The following ADARB1 variants were observed in gnomAD, a reference collection of about 807,000 sequenced individuals.
ADARB1 encodes adenosine deaminase RNA specific B1, also known as double-stranded RNA-specific editase 1.
A neutral mutation model predicts 52.4 loss-of-function variants in ADARB1; 10 were observed. The ratio of observed to expected loss-of-function variants is 0.19; its 90% confidence interval spans 0.12 to 0.32. The LOEUF (loss-of-function observed/expected upper bound fraction) is 0.32, where lower values mean the gene tolerates loss of function less well. ADARB1 is among the 10% of genes least tolerant of loss of function. The probability of loss-of-function intolerance (pLI) is 1.00; values close to 1 mark genes in which losing one functional copy is unlikely to be tolerated. For missense variants in ADARB1, 643 were observed against 922.3 expected (o/e 0.70, Z 3.92); for synonymous variants, 349 against 371.1 (o/e 0.94, Z 0.68).
intron 2 of ADARB1, among the ~76,000 whole-genome samples, chr21:45,163,284 G>A (rs1476819166): frequency 6.6e-6 from 1 of 152,204 alleles, no homozygotes; most frequent in Non-Finnish European, 1.5e-5. Context: ...CAGCCCACAA[G>A]GTCCCAAAAG....
intron 2 of ADARB1, among the ~76,000 whole-genome samples, chr21:45,137,987 G>T (rs1399780202): frequency 1.3e-5 from 2 of 152,184 alleles, no homozygotes; most frequent in African/African-American, 4.8e-5. Context: ...TTCTATGGGA[G>T]TGATGCCCTC....
At chr21:45,150,277 C>T (rs930059383) in intron 2 of ADARB1, among the ~76,000 whole-genome samples, 5 of 151,800 alleles carry the variant, frequency 3.3e-5, no homozygotes, top group African/African-American at 1.2e-4. Context: ...CTGTCTCAGA[C>T]AAACAAACAA....
rs936227166 is a variant in ADARB1 at position 45,128,479 on chromosome 21, T to A, written c.-142T>A. The A allele has an allele frequency of 6.6e-6, 1 of 152,246 alleles. No individual in the cohort carries two copies. Among genetic ancestry groups the A allele is most frequent in the African/African-American group, 2.4e-5 (1 of 41,464 alleles). The allele number at this position is 152,246 out of a possible 1,614,324, so 9.4% of individuals were successfully genotyped here. ...ACACTGGCCAAGCGCGGAGTTCTGC[T>A]TACTTCAGTCCTGCTGAGATACTCT... On this transcript the variant is annotated 5_prime_UTR_variant, in exon 2 of 11. Coordinates refer to ENST00000348831, the MANE Select transcript of ADARB1 (RefSeq NM_001112.4). This position sits in a 1 kb window ranked among gnomAD's most constrained non-coding sequence, Gnocchi z 4.6.
chr21:45,110,066 C>G (rs900137826), intron 1 of ADARB1, among the ~76,000 whole-genome samples: 2 of 152,176 alleles, frequency 1.3e-5, no homozygotes, highest in African/African-American at 4.8e-5. Context: ...ACATTCTGCT[C>G]TATTAGCTGG....
rs372552215 is a variant in ADARB1 at position 45,205,578 on chromosome 21, A to G, written c.1747+842A>G. On this transcript the variant is annotated intron_variant, in intron 9 of 10. Transcript: ENST00000348831. ...GTGACAGGTGGAACCAGGGGTGCCA[A>G]TGGCAGGCAGAGGCTGTCTCCCTGG... 2.4e-4 allele frequency among the ~76,000 whole-genome samples: 36 copies of G among 152,276 alleles called. No homozygotes were observed. The East Asian group carries it at 5.8e-3, about 24-fold the overall frequency.
intron 1 of ADARB1, among the ~76,000 whole-genome samples, chr21:45,075,618 A>G (rs972703666): frequency 6.6e-6 from 1 of 152,192 alleles, no homozygotes; most frequent in Non-Finnish European, 1.5e-5. Context: ...ATCAGAAGGA[A>G]AATTATTGCG....
At chr21:45,184,893 T>A (rs751665917) in intron 7 of ADARB1, 30 bp from the exon 8 acceptor site, 41 of 1,581,712 alleles carry the variant, frequency 2.6e-5, no homozygotes, top group Non-Finnish European at 3.5e-5. Flanking sequence ...GTTTACTACC[T>A]GTGGGGTTTT....
intron 2 of ADARB1, among the ~76,000 whole-genome samples, chr21:45,162,372 C>G (rs2091017773): frequency 6.6e-6 from 1 of 152,158 alleles, no homozygotes; most frequent in African/African-American, 2.4e-5. Flanking sequence ...ATGGCTGGAC[C>G]CCACGCCCAC....
chr21:45,129,220 CTCTT>C (rs1254226985), intron 2 of ADARB1, among the ~76,000 whole-genome samples: 1 of 151,688 alleles, frequency 6.6e-6, no homozygotes, highest in Non-Finnish European at 1.5e-5. Context: ...CAGAGCAAGA[CTCTT>C]TCTCAAAAAA....
intron 2 of ADARB1, among the ~76,000 whole-genome samples, chr21:45,168,926 C>G (rs968284033): frequency 6.6e-6 from 1 of 152,196 alleles, no homozygotes; most frequent in Non-Finnish European, 1.5e-5. Flanking sequence ...CTAAATCTTA[C>G]TGAAGCCTTC....
In ADARB1 at chr21:45,224,444, C is replaced by T. The variant is rs2093020910; in HGVS notation, c.*2247C>T. 5.6e-6 allele frequency: 5 copies of T among 886,262 alleles called. No homozygotes were observed. Among genetic ancestry groups the T allele is most frequent in the East Asian group, 1.8e-4 (1 of 5,464 alleles). The allele number at this position is 886,262 out of a possible 1,614,324, so 54.9% of individuals were successfully genotyped here. ...AGGCACAGGGCACCCTATCCCAAGC[C>T]GTCCAGGCAGGAGGAAGGCAGCCAA... is the stretch of plus-strand genomic sequence containing the variant. On this transcript the variant is annotated 3_prime_UTR_variant, in exon 11 of 11. Coordinates refer to ENST00000348831, the MANE Select transcript of ADARB1 (RefSeq NM_001112.4).
In ADARB1 at chr21:45,171,595, C is replaced by A. The variant is rs538762316; in HGVS notation, c.-47-15C>A. Reference sequence around the variant, plus strand: ...TCATAGGCACACTAAATGCTATTTTCTTACTGTCTTTCAGACAGAAACAGT... The same window carrying A: ...TCATAGGCACACTAAATGCTATTTTATTACTGTCTTTCAGACAGAAACAGT... On this transcript the variant is annotated splice_polypyrimidine_tract_variant and intron_variant, in intron 2 of 10. Transcript: ENST00000348831. 6.5e-7 allele frequency: 1 copy of A among 1,530,082 alleles called. No homozygotes were observed. Among genetic ancestry groups the A allele is most frequent in the Admixed American group, 1.7e-5 (1 of 59,292 alleles). 94.8% of individuals were successfully genotyped at this position (1,530,082 alleles called of 1,614,324 possible).
chr21:45,154,731 A>G (rs1441375330), intron 2 of ADARB1, among the ~76,000 whole-genome samples: 1 of 152,178 alleles, frequency 6.6e-6, no homozygotes. Context: ...CATCAGGAAA[A>G]TAGGGCTAAA....
At chr21:45,166,626 C>T (rs2091264704) in intron 2 of ADARB1, among the ~76,000 whole-genome samples, 1 of 152,202 alleles carries the variant, frequency 6.6e-6, no homozygotes, top group Non-Finnish European at 1.5e-5. Context: ...GCCACCTGCT[C>T]CTTTGGTTCA....
At chr21:45,123,196 G>T (rs2088311998) in intron 1 of ADARB1, among the ~76,000 whole-genome samples, 1 of 152,158 alleles carries the variant, frequency 6.6e-6, no homozygotes, top group Non-Finnish European at 1.5e-5. Context: ...AATAGACACT[G>T]TGTACCTCAC....
At chr21:45,175,054 A>G (rs1174757420) in intron 3 of ADARB1, among the ~76,000 whole-genome samples, 5 of 152,194 alleles carry the variant, frequency 3.3e-5, no homozygotes, top group African/African-American at 7.2e-5. Flanking sequence ...AATAGATACT[A>G]GAAATAAAAC....
chr21:45,107,217 A>G (rs1275847722), intron 1 of ADARB1, among the ~76,000 whole-genome samples: 1 of 152,248 alleles, frequency 6.6e-6, no homozygotes, highest in Non-Finnish European at 1.5e-5. Flanking sequence ...AGAAAGACAC[A>G]GAAGTCGCCT....
chr21:45,133,051 A>G lies in ADARB1; in HGVS notation c.-48+4478A>G, dbSNP rs1431073525. Among the ~76,000 whole-genome samples the G allele has an allele frequency of 3.3e-5, 5 of 152,114 alleles. No homozygotes were observed. The South Asian group carries it at 1.0e-3, about 32-fold the overall frequency. ...GCTCATCTGTCAAGTTTTCACAGTCATGTGCTTCTGGGCGCAAAGCCCTGG... is the reference window on the plus strand; with the variant it reads ...GCTCATCTGTCAAGTTTTCACAGTCGTGTGCTTCTGGGCGCAAAGCCCTGG... On this transcript the variant is annotated intron_variant, in intron 2 of 10. Coordinates refer to ENST00000348831, the MANE Select transcript of ADARB1 (RefSeq NM_001112.4).
chr21:45,183,570 T>C, intron 7 of ADARB1, 60 bp downstream of exon 7: 3 of 1,563,794 alleles, frequency 1.9e-6, no homozygotes, highest in Non-Finnish European at 2.6e-6. Flanking sequence ...AGATAAAAAC[T>C]AACCTGTGTT....
Sources: allele counts gnomAD v4.1 joint callset (sites outside exome capture counted in the v4.1 genomes callset), GRCh38; gene constraint gnomAD v4.1.1; non-coding constraint Gnocchi (gnomAD v3.1); transcripts MANE v1.5; gene names NCBI Gene and HGNC (gene_info 2026-07-23, HGNC 2026-07-21).